The following MMP26 variants were observed in gnomAD, a reference collection of about 807,000 sequenced individuals.
The protein encoded by MMP26 is matrix metallopeptidase 26.
MMP26 carries 33 observed loss-of-function variants against 31.0 expected under a neutral mutation model. The ratio of observed to expected loss-of-function variants is 1.06; its 90% CI spans 0.81 to 1.42. The LOEUF is 1.42. MMP26 is among the 40% of genes most tolerant of loss of function. MMP26 has a pLI of 0.00. For synonymous variants in MMP26, 122 were observed against 114.9 expected, an observed-to-expected ratio of 1.06 and a Z score of -0.40; for missense variants, 347 against 316.1, an observed-to-expected ratio of 1.10 and a Z score of -0.74.
In MMP26 at chr11:4,804,521, G is replaced by T. The variant is rs112773148; in HGVS notation, c.-145+37180G>T. On this transcript the variant is annotated intron_variant, in intron 2 of 7. Coordinates refer to ENST00000380390, the MANE Select transcript of MMP26 (RefSeq NM_021801.5). ...GGTGATTGGGTTTGATTATAAACTA[G>T]AATAATTTCAACTGTTTTAATAAAT... The T allele has an allele frequency of 6.3e-4, 498 of 790,556 alleles. 2 individuals carry two copies. The African/African-American group carries it at 7.2e-3, about 11-fold the overall frequency. The allele number at this position is 790,556 out of a possible 1,614,324, so 49.0% of individuals were successfully genotyped here.
chr11:4,856,901 A>G (rs938767943), intron 2 of MMP26, among the ~76,000 whole-genome samples: 6 of 152,206 alleles, frequency 3.9e-5, no homozygotes, highest in South Asian at 2.1e-4. Flanking sequence ...TCAAATTAGA[A>G]CTCAGGATTA....
intron 2 of MMP26, among the ~76,000 whole-genome samples, chr11:4,783,091 G>A (rs1198017034): frequency 1.3e-5 from 2 of 152,252 alleles, no homozygotes; most frequent in Non-Finnish European, 2.9e-5. Context: ...ACCTAGTGGA[G>A]CTATGAGAAG....
intron 1 of MMP26, among the ~76,000 whole-genome samples, chr11:4,764,701 G>C (rs550259961): frequency 6.6e-6 from 1 of 152,210 alleles, no homozygotes; most frequent in East Asian, 1.9e-4. Context: ...GTGAAACCCC[G>C]TCTCTACTAA....
intron 2 of MMP26, chr11:4,882,797 A>G (rs1850496169): frequency 6.2e-7 from 1 of 1,613,868 alleles, no homozygotes; most frequent in Non-Finnish European, 8.5e-7. Context: ...GAAGACCAAG[A>G]CAATCCGCCA....
rs545927286 is a variant in MMP26, at chr11:4,869,403, C to T, written c.-145+102062C>T. Reference sequence around the variant, plus strand: ...TAAAACAGCCCCATCAAAAAGTGGGCGAAGGATATGAACAGACACTTCTCA... The same window carrying T: ...TAAAACAGCCCCATCAAAAAGTGGGTGAAGGATATGAACAGACACTTCTCA... On this transcript the variant is annotated intron_variant, in intron 2 of 7. Coordinates refer to ENST00000380390, the MANE Select transcript of MMP26 (RefSeq NM_021801.5). 1.9e-4 allele frequency among the ~76,000 whole-genome samples: 29 copies of T among 152,172 alleles called. No homozygotes were observed. The East Asian group carries it at 4.6e-3, about 24-fold the overall frequency.
intron 2 of MMP26, among the ~76,000 whole-genome samples, chr11:4,775,280 G>T (rs1340946018): frequency 6.6e-6 from 1 of 152,072 alleles, no homozygotes; most frequent in African/African-American, 2.4e-5. Flanking sequence ...TTTTCCATTT[G>T]TTTGTGTCCT....
At chr11:4,721,815 G>T (rs185068297) in intron 1 of MMP26, among the ~76,000 whole-genome samples, 22 of 152,264 alleles carry the variant, frequency 1.4e-4, no homozygotes, top group Admixed American at 1.1e-3. Context: ...AAAACCAAAG[G>T]CACCAGAAGG....
intron 2 of MMP26, among the ~76,000 whole-genome samples, chr11:4,985,478 T>G (rs887236007): frequency 6.6e-6 from 1 of 152,198 alleles, no homozygotes; most frequent in East Asian, 1.9e-4. Flanking sequence ...TCTTATTTTA[T>G]TAATTCCTCT....
intron 2 of MMP26, among the ~76,000 whole-genome samples, chr11:4,807,351 A>T (rs10466462): frequency 6.6e-6 from 1 of 152,018 alleles, no homozygotes; most frequent in Non-Finnish European, 1.5e-5. Context: ...ATGATAGCAA[A>T]GACTTGGAAC....
intron 1 of MMP26, among the ~76,000 whole-genome samples, chr11:4,727,762 T>C (rs1848122259): frequency 6.6e-6 from 1 of 152,186 alleles, no homozygotes; most frequent in South Asian, 2.1e-4. Context: ...TGAGCTGAGA[T>C]CGTGCCATTG....
intron 2 of MMP26, among the ~76,000 whole-genome samples, chr11:4,816,999 C>T (rs1014183497): frequency 2.0e-5 from 3 of 151,748 alleles, no homozygotes; most frequent in East Asian, 1.9e-4. Context: ...TGTAGTGGCA[C>T]GTTTAGTGAC....
intron 2 of MMP26, among the ~76,000 whole-genome samples, chr11:4,819,565 G>GGTTT (rs1491575423): frequency 1.2e-5 from 1 of 83,726 alleles, no homozygotes. Flanking sequence ...TGAGTCGACT[G>GGTTT]ATTTTTTTTT....
At position 4,923,602 on chromosome 11, in the gene MMP26, A is replaced by G. The variant is rs114928156; in HGVS notation, c.-144-64466A>G. 4.9e-4 allele frequency: 788 copies of G among 1,614,154 alleles called. 4 individuals are homozygous for G. The African/African-American group carries it at 8.6e-3, about 18-fold the overall frequency. On this transcript the variant is annotated intron_variant, in intron 2 of 7. Coordinates refer to ENST00000380390, the MANE Select transcript of MMP26 (RefSeq NM_021801.5). ...TGTAGAAGAGCAGTACAGCACAGAT[A>G]TGAGAGACACAGGTGTTGAGGGCTC...
chr11:4,838,315 T>TAAAAAAAAAAA (rs540572047), intron 2 of MMP26, among the ~76,000 whole-genome samples: 1 of 27,418 alleles, frequency 3.6e-5, no homozygotes, highest in Non-Finnish European at 1.0e-4. Flanking sequence ...AGACTCTGTC[T>TAAAAAAAAAAA]AAAAAAAAAA....
At chr11:4,804,405 G>C (rs1348353097) in intron 2 of MMP26, 1 of 1,551,258 alleles carries the variant, frequency 6.4e-7, no homozygotes, top group South Asian at 1.1e-5. Context: ...GGTCTCTGCT[G>C]GGAACGCAAT....
chr11:4,710,138 A>G (rs1204723714), intron 1 of MMP26: 6 of 456,772 alleles, frequency 1.3e-5, no homozygotes. Flanking sequence ...TGAAGCTCTC[A>G]TGCACAGACA....
intron 2 of MMP26, among the ~76,000 whole-genome samples, chr11:4,936,725 A>C (rs567030640): frequency 4.6e-5 from 7 of 152,292 alleles, no homozygotes; most frequent in Admixed American, 2.6e-4. Flanking sequence ...ATGAGAAGAT[A>C]AATGTATTTT....
intron 2 of MMP26, among the ~76,000 whole-genome samples, chr11:4,842,862 A>G (rs1849815118): frequency 6.6e-6 from 1 of 152,200 alleles, no homozygotes; most frequent in Non-Finnish European, 1.5e-5. Flanking sequence ...AAAACAAGTT[A>G]TTTACTTACA....
At chr11:4,981,131 C>A (rs956327575) in intron 2 of MMP26, among the ~76,000 whole-genome samples, 15 of 151,952 alleles carry the variant, frequency 9.9e-5, no homozygotes, top group Non-Finnish European at 1.9e-4. Flanking sequence ...CTGAAGATGG[C>A]AAAGGAGAGT....
Sources: gnomAD v4.1 joint callset for allele counts (sites outside exome capture counted in the v4.1 genomes callset) on GRCh38, gnomAD v4.1.1 for gene constraint, MANE v1.5 for transcripts, NCBI Gene and HGNC (gene_info 2026-07-23, HGNC 2026-07-21) for gene names.